Variants in GFPT1 observed in about 807,000 individuals in gnomAD.
GFPT1 encodes the protein glutamine--fructose-6-phosphate transaminase 1, also known as glutamine--fructose-6-phosphate aminotransferase [isomerizing] 1.
GFPT1 carries 40 observed loss-of-function variants against 92.0 expected under a neutral mutation model. The ratio of observed to expected loss-of-function variants is 0.43; its 90% CI spans 0.34 to 0.57. The LOEUF (loss-of-function observed/expected upper bound fraction) is 0.57. Ranked by LOEUF, GFPT1 falls within the 20% of genes least tolerant of loss-of-function variation. The probability of loss-of-function intolerance (pLI) is 0.02; values close to 1 mark genes in which losing one functional copy is unlikely to be tolerated. For missense variants in GFPT1, 448 were observed against 869.1 expected, an observed-to-expected ratio of 0.52 and a Z score of 6.09; for synonymous variants, 269 against 280.6, an observed-to-expected ratio of 0.96 and a Z score of 0.41.
intron 1 of GFPT1, among the ~76,000 whole-genome samples, chr2:69,384,706 AAAAAAAG>A (rs1410033737): frequency 3.3e-5 from 5 of 151,090 alleles, no homozygotes; most frequent in Admixed American, 2.6e-4. Context: ...AAAAAAAAAA[AAAAAAAG>A]AAAAAAGAAA....
At position 69,329,390 on chromosome 2, in the gene GFPT1, T is replaced by A; in HGVS notation, c.1632A>T (p.Glu544Asp). The A allele has an allele frequency of 6.2e-7, 1 of 1,611,598 alleles. No individual in the cohort carries two copies. The highest frequency in any genetic ancestry group is 8.5e-7 in the Non-Finnish European group (1 of 1,177,710). ...LIKEVLSMDD[E>D]IQKLATELYH... ...AAAGTTCTGTTGCTAGTTTCTGAAT[T>A]TCGTCATCCATGCTCAGTACTTCCT... Residue 544 changes from glutamate (E) to aspartate (D), a missense_variant, in exon 17 of 20, where the codon GAA becomes GAT. Glu to Asp is a conservative substitution (Grantham distance 45). This residue lies in a region of GFPT1 where 73 missense variants were observed against 103.5 expected (regional missense o/e 0.71). Transcript: ENST00000357308.
Position 69,373,986 on chromosome 2 carries a change from T to C in GFPT1, c.115+20A>G, listed in dbSNP as rs1356240389. On this transcript the variant is annotated intron_variant, in intron 2 of 19. Coordinates refer to ENST00000357308, the MANE Select transcript of GFPT1 (RefSeq NM_001244710.2). The stretch of plus-strand genomic sequence containing the variant: ...TATTTAAAGAATCATGCAAAATCCA[T>C]AGTATTTTTTTTAAAGTACCAGCAG... 1.9e-6 allele frequency: 2 copies of C among 1,043,642 alleles called. No homozygotes were observed. Among genetic ancestry groups the C allele is most frequent in the East Asian group, 2.4e-5 (1 of 41,864 alleles). 64.6% of individuals were successfully genotyped at this position (1,043,642 alleles called of 1,614,324 possible).
In GFPT1 at chr2:69,362,066, A is replaced by T. The variant is rs144475536; in HGVS notation, c.349+1479T>A. Among the ~76,000 whole-genome samples the T allele has an allele frequency of 2.8e-3, 431 of 152,260 alleles. 6 individuals are homozygous for T. Among genetic ancestry groups the T allele is most frequent in the African/African-American group, 9.9e-3 (412 of 41,532 alleles). On this transcript the variant is annotated intron_variant, in intron 4 of 19. Coordinates refer to ENST00000357308, the MANE Select transcript of GFPT1 (RefSeq NM_001244710.2). ...CTGTATGTATTTGCTTATTTTTTTT[A>T]AATGAAAGAACAGACTCAATAATTG...
chr2:69,356,891 C>T (rs1431243854), intron 6 of GFPT1, among the ~76,000 whole-genome samples: 4 of 152,118 alleles, frequency 2.6e-5, no homozygotes, highest in Non-Finnish European at 5.9e-5. Context: ...GCACGCACCC[C>T]CACGCTAATT....
At position 69,363,425 on chromosome 2, in the gene GFPT1, T is replaced by C. The variant is rs566315801; in HGVS notation, c.349+120A>G. The C allele has an allele frequency of 6.5e-6, 7 of 1,070,588 alleles. No homozygotes were observed. In the South Asian group the frequency reaches 8.1e-5, roughly 12 times the overall value. The allele number at this position is 1,070,588 out of a possible 1,614,324, so 66.3% of individuals were successfully genotyped here. On this transcript the variant is annotated intron_variant, in intron 4 of 19. Coordinates refer to ENST00000357308, the MANE Select transcript of GFPT1 (RefSeq NM_001244710.2). ...AGCTCCATATGCTCTCTACTACTTC[T>C]GAATGTTTGAAATTTTCCAGATGAA...
chr2:69,342,546 GTTATCTT>G (rs1347838878), intron 12 of GFPT1, among the ~76,000 whole-genome samples: 1 of 152,112 alleles, frequency 6.6e-6, no homozygotes, highest in Admixed American at 6.6e-5. Context: ...CTCTTTGAAA[GTTATCTT>G]AAAGGCAAAA....
In GFPT1 at chr2:69,373,862, T is replaced by C. The variant is rs150148475; in HGVS notation, c.115+144A>G. On this transcript the variant is annotated intron_variant, in intron 2 of 19. Transcript: ENST00000357308. The stretch of plus-strand genomic sequence containing the variant: ...TGTTGAGATTACATAAATAAATCCT[T>C]TAAATATGATAAAAGACAAAAATTC... 2,371 of 524,240 alleles carry C rather than the reference T, an allele frequency of 4.5e-3. 15 individuals carry two copies. The highest frequency in any genetic ancestry group is 6.4e-3 in the Non-Finnish European group (1,854 of 287,518). 32.5% of individuals were successfully genotyped at this position (524,240 alleles called of 1,614,324 possible).
intron 9 of GFPT1, 139 bp from the exon 10 acceptor site, chr2:69,350,322 A>G: frequency 1.5e-6 from 1 of 670,718 alleles, no homozygotes; most frequent in South Asian, 1.7e-5. Context: ...AGCCAAGTAG[A>G]TCACCTTATT....
intron 1 of GFPT1, among the ~76,000 whole-genome samples, chr2:69,376,197 C>A (rs775993288): frequency 1.2e-4 from 18 of 152,202 alleles, no homozygotes; most frequent in Non-Finnish European, 2.6e-4. Context: ...GCACACAAAT[C>A]TTTTCTAAAA....
At chr2:69,343,952 A>G (rs553908864) in intron 12 of GFPT1, among the ~76,000 whole-genome samples, 5 of 152,274 alleles carry the variant, frequency 3.3e-5, no homozygotes, top group Non-Finnish European at 7.4e-5. Flanking sequence ...TTCAAGTCCC[A>G]TAAGACCTGT....
chr2:69,380,905 A>T (rs923029439), intron 1 of GFPT1, among the ~76,000 whole-genome samples: 1 of 152,188 alleles, frequency 6.6e-6, no homozygotes, highest in African/African-American at 2.4e-5. Flanking sequence ...AGTCTAAGCT[A>T]CATACTACTC....
At chr2:69,357,598 T>C (rs747755772) in intron 6 of GFPT1, among the ~76,000 whole-genome samples, 24 of 152,132 alleles carry the variant, frequency 1.6e-4, no homozygotes, top group Non-Finnish European at 2.6e-4. Context: ...TTGCTACAGA[T>C]ATAAGATTTG....
intron 1 of GFPT1, among the ~76,000 whole-genome samples, chr2:69,382,346 T>C (rs1393604750): frequency 9.2e-5 from 14 of 152,238 alleles, no homozygotes; most frequent in African/African-American, 3.4e-4. Flanking sequence ...ATGAACACCC[T>C]GTAACAACTT....
intron 1 of GFPT1, among the ~76,000 whole-genome samples, chr2:69,382,896 G>A (rs1426618204): frequency 6.6e-6 from 1 of 152,132 alleles, no homozygotes; most frequent in African/African-American, 2.4e-5. Context: ...CTATGACATG[G>A]CAATGAACAA....
At chr2:69,329,273 C>A (rs953100548) in intron 17 of GFPT1, 24 bp downstream of exon 17, 2 of 1,609,638 alleles carry the variant, frequency 1.2e-6, no homozygotes, top group African/African-American at 2.7e-5. Flanking sequence ...TGGACTGATA[C>A]TAATTAGAAC....
chr2:69,372,833 G>GT lies in GFPT1; in HGVS notation c.115+1172dup, dbSNP rs543095310. 2.4e-4 allele frequency among the ~76,000 whole-genome samples: 37 copies of GT among 152,316 alleles called. No individual in the cohort carries two copies. The East Asian group carries it at 6.7e-3, about 28-fold the overall frequency. Reference sequence around the variant, plus strand: ...ACAAAAAAGAGTTAACACAGCAGGTGTGAAACTGCTATCCTCAGAAAGGCC... The same window carrying GT: ...ACAAAAAAGAGTTAACACAGCAGGTGTTGAAACTGCTATCCTCAGAAAGGCC... On this transcript the variant is annotated intron_variant, in intron 2 of 19. Coordinates refer to ENST00000357308, the MANE Select transcript of GFPT1 (RefSeq NM_001244710.2).
chr2:69,383,702 T>C (rs1209283676), intron 1 of GFPT1, among the ~76,000 whole-genome samples: 1 of 152,228 alleles, frequency 6.6e-6, no homozygotes, highest in Non-Finnish European at 1.5e-5. Flanking sequence ...CTCAGCTCAC[T>C]GCAACCTCCA....
chr2:69,344,164 A>C (rs972090679), intron 12 of GFPT1, among the ~76,000 whole-genome samples: 5 of 148,634 alleles, frequency 3.4e-5, no homozygotes, highest in African/African-American at 1.3e-4. Flanking sequence ...TGCAAAGGCA[A>C]AGACTCAATA....
At chr2:69,365,778 CAATGCAAG>C (rs1671595682) in intron 3 of GFPT1, among the ~76,000 whole-genome samples, 1 of 152,000 alleles carries the variant, frequency 6.6e-6, no homozygotes, top group Admixed American at 6.6e-5. Flanking sequence ...TTCAACAGGC[CAATGCAAG>C]AAATGAAAAC....
Sources: allele counts gnomAD v4.1 joint callset (sites outside exome capture counted in the v4.1 genomes callset), GRCh38; gene constraint gnomAD v4.1.1; regional missense constraint gnomAD v4.1.1; transcripts MANE v1.5; gene names NCBI Gene and HGNC (gene_info 2026-07-23, HGNC 2026-07-21).